The following BNC2 variants were observed in gnomAD, a reference collection of about 807,000 sequenced individuals.
BNC2 encodes basonuclin zinc finger protein 2.
In BNC2, 20 loss-of-function variants were observed where a neutral mutation model predicts 76.3. That is an observed-to-expected ratio of 0.26 (90% CI 0.18 to 0.38). The LOEUF (loss-of-function observed/expected upper bound fraction) is 0.38. BNC2 is among the 10% of genes least tolerant of loss of function. The pLI is 1.00. For missense variants in BNC2, 1,382 were observed against 1,399.8 expected (o/e 0.99, Z 0.20); for synonymous variants, 582 against 514.8 (o/e 1.13, Z -1.77).
chr9:16,432,606 A>T (rs1480343104), intron 6 of BNC2, among the ~76,000 whole-genome samples: 3 of 152,192 alleles, frequency 2.0e-5, no homozygotes, highest in Admixed American at 6.5e-5. Context: ...TTATGACAGG[A>T]ATCCTAGAAA....
intron 5 of BNC2, among the ~76,000 whole-genome samples, chr9:16,454,117 G>C (rs556521276): frequency 2.6e-5 from 4 of 152,138 alleles, no homozygotes; most frequent in South Asian, 2.1e-4. Context: ...GATCTGTTCA[G>C]AAGTCCCATT....
chr9:16,819,239 G>T (rs138475831), intron 1 of BNC2, among the ~76,000 whole-genome samples: 1 of 152,200 alleles, frequency 6.6e-6, no homozygotes, highest in Non-Finnish European at 1.5e-5. Flanking sequence ...TCAGGTATAA[G>T]ATTATGGTGT....
At chr9:16,575,162 C>T (rs375657128) in intron 4 of BNC2, 2 of 581,464 alleles carry the variant, frequency 3.4e-6, no homozygotes, top group Admixed American at 6.3e-5. Flanking sequence ...GATTATACAA[C>T]TTGGCAAGAT....
intron 3 of BNC2, among the ~76,000 whole-genome samples, chr9:16,613,615 C>T (rs868343366): frequency 1.3e-5 from 2 of 152,158 alleles, no homozygotes; most frequent in East Asian, 1.9e-4. Context: ...CAAGAAGATC[C>T]CCCTGCTACT....
In BNC2 at chr9:16,727,020, T is replaced by C. The variant is rs371895967; in HGVS notation, c.330+777A>G. ...GATGGCCTCGCGCTACCACGTCGGC[T>C]TTCCCAGCAGAGCCAGCAAGCCGAA... is the stretch of plus-strand genomic sequence containing the variant. On this transcript the variant is annotated intron_variant, in intron 3 of 6. Coordinates refer to ENST00000380672, the MANE Select transcript of BNC2 (RefSeq NM_017637.6). The C allele has an allele frequency of 3.3e-5, 5 of 152,370 alleles. No homozygotes were observed. In the East Asian group the frequency reaches 9.7e-4, roughly 30 times the overall value. 9.4% of individuals were successfully genotyped at this position (152,370 alleles called of 1,614,324 possible).
intron 1 of BNC2, among the ~76,000 whole-genome samples, chr9:16,754,556 AT>A (rs35261422): frequency 6.6e-6 from 1 of 150,980 alleles, no homozygotes; most frequent in Non-Finnish European, 1.5e-5. Flanking sequence ...TCAAATAGTC[AT>A]TTTTTTTTCT....
At chr9:16,421,869 A>G (rs908839987) in intron 6 of BNC2, among the ~76,000 whole-genome samples, 1 of 150,880 alleles carries the variant, frequency 6.6e-6, no homozygotes. Flanking sequence ...CTACCCGTTT[A>G]TTATTTTTAA....
intron 5 of BNC2, among the ~76,000 whole-genome samples, chr9:16,449,311 C>T (rs1488143514): frequency 6.6e-6 from 1 of 152,140 alleles, no homozygotes; most frequent in Non-Finnish European, 1.5e-5. Context: ...CACCAATTAG[C>T]TTAATGTGGC....
chr9:16,586,862 C>A (rs113277737), intron 3 of BNC2, among the ~76,000 whole-genome samples: 3 of 152,238 alleles, frequency 2.0e-5, no homozygotes, highest in Non-Finnish European at 4.4e-5. Context: ...ATAAATGAAA[C>A]CCTTACACAG....
chr9:16,707,461 C>G (rs1315401671), intron 3 of BNC2, among the ~76,000 whole-genome samples: 1 of 151,990 alleles, frequency 6.6e-6, no homozygotes, highest in Admixed American at 6.6e-5. Flanking sequence ...TATCTTGGAC[C>G]AATATTCAAA....
At chr9:16,760,236 T>C (rs893780386) in intron 1 of BNC2, among the ~76,000 whole-genome samples, 1 of 152,148 alleles carries the variant, frequency 6.6e-6, no homozygotes, top group African/African-American at 2.4e-5. Context: ...GTGAGTAGTA[T>C]TTTTCAAAAT....
At chr9:16,608,418 A>G (rs1330666355) in intron 3 of BNC2, among the ~76,000 whole-genome samples, 1 of 151,704 alleles carries the variant, frequency 6.6e-6, no homozygotes, top group Non-Finnish European at 1.5e-5. Context: ...TGTCTATTAA[A>G]CTCCCTGCTC....
intron 4 of BNC2, among the ~76,000 whole-genome samples, chr9:16,569,908 G>A (rs1257875026): frequency 1.3e-5 from 2 of 152,130 alleles, no homozygotes; most frequent in African/African-American, 4.8e-5. Context: ...CACAAACCCT[G>A]CTTTATCCAG....
Position 16,595,549 on chromosome 9 carries a change from A to T in BNC2, c.331-12464T>A, listed in dbSNP as rs10962503. On this transcript the variant is annotated intron_variant, in intron 3 of 6. Coordinates refer to ENST00000380672, the MANE Select transcript of BNC2 (RefSeq NM_017637.6). Reference sequence around the variant, plus strand: ...GAAACCTCTCAGGTAATACATTTTTAAAAAACACAAATACAATGTTACCAT... The same window carrying T: ...GAAACCTCTCAGGTAATACATTTTTTAAAAACACAAATACAATGTTACCAT... 2.0e-4 allele frequency among the ~76,000 whole-genome samples: 30 copies of T among 152,266 alleles called. No individual in the cohort carries two copies. The East Asian group carries it at 5.2e-3, about 26-fold the overall frequency.
At chr9:16,597,827 A>G (rs1470950071) in intron 3 of BNC2, among the ~76,000 whole-genome samples, 1 of 152,030 alleles carries the variant, frequency 6.6e-6, no homozygotes, top group East Asian at 1.9e-4. Flanking sequence ...TATTTTAAAT[A>G]TAATTTATTT....
At chr9:16,768,954 A>C (rs1159470084) in intron 1 of BNC2, among the ~76,000 whole-genome samples, 1 of 152,180 alleles carries the variant, frequency 6.6e-6, no homozygotes, top group Admixed American at 6.5e-5. Context: ...AGGAGAATAG[A>C]AGAGGGGAAG....
chr9:16,761,620 C>T (rs904625598), intron 1 of BNC2, among the ~76,000 whole-genome samples: 1 of 152,136 alleles, frequency 6.6e-6, no homozygotes, highest in Non-Finnish European at 1.5e-5. Context: ...AAGCAACATA[C>T]TCGTAAGTTC....
intron 3 of BNC2, among the ~76,000 whole-genome samples, chr9:16,653,390 C>T (rs1256460956): frequency 6.6e-6 from 1 of 152,128 alleles, no homozygotes; most frequent in Non-Finnish European, 1.5e-5. Flanking sequence ...CTCTTGCCGC[C>T]TTAAATACAA....
intron 3 of BNC2, among the ~76,000 whole-genome samples, chr9:16,703,362 G>C (rs539019093): frequency 3.0e-4 from 46 of 152,014 alleles, no homozygotes; most frequent in Admixed American, 6.5e-4. Flanking sequence ...CCAGCACAGA[G>C]CAATATTCTC....
Sources: allele counts gnomAD v4.1 joint callset (sites outside exome capture counted in the v4.1 genomes callset), GRCh38; gene constraint gnomAD v4.1.1; transcripts MANE v1.5; gene names NCBI Gene and HGNC (gene_info 2026-07-23, HGNC 2026-07-21).